The following TYW1B variants were observed in gnomAD, a reference collection of about 807,000 sequenced individuals.
The protein encoded by TYW1B is S-adenosyl-L-methionine-dependent tRNA 4-demethylwyosine synthase TYW1B.
TYW1B carries 73 observed loss-of-function variants against 86.9 expected under a neutral mutation model. The observed-to-expected ratio is 0.84, with a 90% CI of 0.70 to 1.02. TYW1B has a LOEUF of 1.02. Ranked by LOEUF, TYW1B falls within the 50% of genes least tolerant of loss-of-function variation. TYW1B has a pLI of 0.00. For synonymous variants in TYW1B, 248 were observed against 292.8 expected, an observed-to-expected ratio of 0.85 and a Z score of 1.56; for missense variants, 637 against 827.4, an observed-to-expected ratio of 0.77 and a Z score of 2.82.
At chr7:72,720,569 T>C (rs1412516010) in intron 9 of TYW1B, among the ~76,000 whole-genome samples, 1 of 152,200 alleles carries the variant, frequency 6.6e-6, no homozygotes, top group Non-Finnish European at 1.5e-5. Flanking sequence ...AAGTAAGATA[T>C]TGAGAAGCTT....
At chr7:72,685,270 T>C (rs1257780861) in intron 11 of TYW1B, among the ~76,000 whole-genome samples, 2 of 151,408 alleles carry the variant, frequency 1.3e-5, no homozygotes, top group Non-Finnish European at 2.9e-5. Context: ...TGAAGTATGA[T>C]TAATATGCTA....
chr7:72,587,033 C>G (rs1554430595), intron 13 of TYW1B, among the ~76,000 whole-genome samples: 1 of 152,108 alleles, frequency 6.6e-6, no homozygotes, highest in Non-Finnish European at 1.5e-5. Flanking sequence ...TTTATGTAAT[C>G]TTAGTGTCAA....
Position 72,748,657 on chromosome 7 carries a change from C to T in TYW1B, c.965-4056G>A, listed in dbSNP as rs191622609. ...GTTTTTAATGATGAAGGGTTAGACTCTGCCAAATGCTTTTTCAGAATCAAT... is the reference window on the plus strand; with the variant it reads ...GTTTTTAATGATGAAGGGTTAGACTTTGCCAAATGCTTTTTCAGAATCAAT... On this transcript the variant is annotated intron_variant, in intron 7 of 13. Transcript: ENST00000620995. 2.0e-4 allele frequency among the ~76,000 whole-genome samples: 31 copies of T among 151,664 alleles called. No homozygotes were observed. The East Asian group carries it at 5.8e-3, about 28-fold the overall frequency.
chr7:72,651,830 A>G (rs548440415), intron 11 of TYW1B, among the ~76,000 whole-genome samples: 1 of 152,354 alleles, frequency 6.6e-6, no homozygotes, highest in East Asian at 1.9e-4. Context: ...TTTCAATATC[A>G]CAAATGATTA....
At chr7:72,714,180 C>A (rs1421971103) in intron 9 of TYW1B, among the ~76,000 whole-genome samples, 1 of 152,052 alleles carries the variant, frequency 6.6e-6, no homozygotes, top group Admixed American at 6.6e-5. Context: ...CCTCAAGTAT[C>A]CTGAACTGGG....
intron 7 of TYW1B, among the ~76,000 whole-genome samples, chr7:72,756,266 GCT>G (rs1787587332): frequency 7.6e-6 from 1 of 131,704 alleles, no homozygotes; most frequent in Non-Finnish European, 1.6e-5. Flanking sequence ...AAGGAGCCTG[GCT>G]CTGTCGCCCA....
chr7:72,750,840 T>C lies in TYW1B; in HGVS notation c.965-6239A>G, dbSNP rs886945698. 2.0e-5 allele frequency among the ~76,000 whole-genome samples: 3 copies of C among 152,156 alleles called. No homozygotes were observed. The East Asian group carries it at 5.8e-4, about 29-fold the overall frequency. ...TGGTTGTGCATCTTTAATCCAAAAATCCGACATCCAAAACATTCCAATGAG... is the reference window on the plus strand; with the variant it reads ...TGGTTGTGCATCTTTAATCCAAAAACCCGACATCCAAAACATTCCAATGAG... On this transcript the variant is annotated intron_variant, in intron 7 of 13. Transcript: ENST00000620995.
chr7:72,765,394 T>C (rs1252023839), intron 7 of TYW1B, among the ~76,000 whole-genome samples: 2 of 152,158 alleles, frequency 1.3e-5, no homozygotes, highest in African/African-American at 4.8e-5. Flanking sequence ...TGGACTAGAT[T>C]CTGAATTCTT....
intron 6 of TYW1B, among the ~76,000 whole-genome samples, chr7:72,800,347 G>T (rs1199795251): frequency 6.6e-6 from 1 of 152,160 alleles, no homozygotes; most frequent in East Asian, 1.9e-4. Flanking sequence ...ACGGGCACAT[G>T]CCACTACATC....
intron 12 of TYW1B, among the ~76,000 whole-genome samples, chr7:72,620,471 G>A (rs1812187170): frequency 6.6e-6 from 1 of 152,124 alleles, no homozygotes; most frequent in Non-Finnish European, 1.5e-5. Context: ...AACTTCCTGA[G>A]TCAACCGCAA....
intron 11 of TYW1B, among the ~76,000 whole-genome samples, chr7:72,672,774 A>ATATGTGTGCATGCATATG: frequency 6.6e-6 from 1 of 152,306 alleles, no homozygotes; most frequent in Non-Finnish European, 1.5e-5. Context: ...ATATATACAC[A>ATATGTGTGCATGCATATG]TATGTGTGCA....
intron 11 of TYW1B, among the ~76,000 whole-genome samples, chr7:72,692,333 TG>T (rs1176813308): frequency 6.6e-6 from 1 of 151,856 alleles, no homozygotes; most frequent in Non-Finnish European, 1.5e-5. Context: ...GCCAGGAGTT[TG>T]AGACTGTCTC....
At chr7:72,822,162 CA>C (rs782637112) in intron 2 of TYW1B, among the ~76,000 whole-genome samples, 1,116 of 36,408 alleles carry the variant, frequency 0.031, 3 homozygotes, top group Admixed American at 0.049. Context: ...GACCCTGTCT[CA>C]AAAAAAAAAA....
intron 12 of TYW1B, among the ~76,000 whole-genome samples, chr7:72,626,269 G>A (rs1373430562): frequency 1.8e-4 from 27 of 146,182 alleles, no homozygotes; most frequent in Non-Finnish European, 6.0e-5. Flanking sequence ...CCAAAAGACA[G>A]CTGTAAAACC....
At chr7:72,653,610 A>AAAAAAAAAT (rs113625348) in intron 11 of TYW1B, among the ~76,000 whole-genome samples, 1 of 150,510 alleles carries the variant, frequency 6.6e-6, no homozygotes, top group African/African-American at 2.4e-5. Flanking sequence ...CCGTCTCAAA[A>AAAAAAAAAT]AATAATAATA....
intron 11 of TYW1B, among the ~76,000 whole-genome samples, chr7:72,684,151 C>A (rs1459465202): frequency 2.0e-5 from 3 of 152,072 alleles, no homozygotes; most frequent in African/African-American, 7.2e-5. Flanking sequence ...GAGAAAAGAA[C>A]AAAAGTAGTA....
chr7:72,757,998 A>C (rs1787621358), intron 7 of TYW1B, among the ~76,000 whole-genome samples: 1 of 152,216 alleles, frequency 6.6e-6, no homozygotes, highest in Admixed American at 6.5e-5. Context: ...TGGGCAGATC[A>C]GTTGAGGTCA....
chr7:72,595,887 C>T (rs1585834446), intron 13 of TYW1B, among the ~76,000 whole-genome samples: 1 of 151,860 alleles, frequency 6.6e-6, no homozygotes, highest in Non-Finnish European at 1.5e-5. Context: ...ATTAAGATGT[C>T]AACACTGGCC....
At chr7:72,729,813 A>G (rs1396058735) in intron 8 of TYW1B, among the ~76,000 whole-genome samples, 1 of 152,096 alleles carries the variant, frequency 6.6e-6, no homozygotes, top group Non-Finnish European at 1.5e-5. Flanking sequence ...CACTACCCCC[A>G]TAAGCAGCAG....
Sources: gnomAD v4.1 joint callset for allele counts (sites outside exome capture counted in the v4.1 genomes callset) on GRCh38, gnomAD v4.1.1 for gene constraint, MANE v1.5 for transcripts, NCBI Gene and HGNC (gene_info 2026-07-23, HGNC 2026-07-21) for gene names.